Variants in ZKSCAN7 observed in about 807,000 individuals in gnomAD.
The protein encoded by ZKSCAN7 is zinc finger with KRAB and SCAN domains 7.
Under a neutral mutation model 65.3 loss-of-function variants are expected in ZKSCAN7, and 38 were observed. The observed-to-expected ratio is 0.58, with a 90% CI of 0.45 to 0.76. The LOEUF (loss-of-function observed/expected upper bound fraction) is 0.76, where lower values mean the gene tolerates loss of function less well. Among genes scored for constraint, ZKSCAN7 ranks in the 30% least tolerant of loss-of-function variants. The pLI is 0.00. For missense variants in ZKSCAN7, 815 were observed against 913.3 expected (o/e 0.89, Z 1.39); for synonymous variants, 321 against 321.0 (o/e 1.00, Z 0.00).
chr3:44,570,194 G>T lies in ZKSCAN7; in HGVS notation c.1084G>T (p.Glu362Ter). The T allele has an allele frequency of 1.2e-6, 2 of 1,614,214 alleles. No homozygotes were observed. The highest frequency in any genetic ancestry group is 1.7e-6 in the Non-Finnish European group (2 of 1,180,040). The change falls in exon 6 of 6, where the codon GAA becomes TAA. Residue 362 changes from glutamate (E) to a stop codon, truncating the protein, a stop_gained. Transcript: ENST00000426540. LOFTEE classifies it high-confidence loss of function. ...ATATGACAAATATAAGGAAGTTGGG[G>T]AACATCCACCTCTGTCTTCCAGTCC... ...DRYDKYKEVG[E>*]HPPLSSSPVE...
rs948332880 is a variant in ZKSCAN7 at position 44,571,321 on chromosome 3, C to T, written c.2211C>T (p.His737=). Residue 737 remains histidine, a synonymous_variant, in exon 6 of 6, where the codon CAC becomes CAT. Coordinates refer to ENST00000426540, the MANE Select transcript of ZKSCAN7 (RefSeq NM_001288590.2). ...GTCAGCGTTCCACTTTTAATCACCA[C>T]CAGCGAACTCACACTGGAGAGAAGT... is the stretch of plus-strand genomic sequence containing the variant. ...AFSQRSTFNH[H]QRTHTGEKSS... The T allele has an allele frequency of 6.2e-7, 1 of 1,614,238 alleles. No homozygotes were observed. The highest frequency in any genetic ancestry group is 8.5e-7 in the Non-Finnish European group (1 of 1,180,048).
rs1699823672 is a variant in ZKSCAN7, at chr3:44,572,133, TTAAA to T, written c.*766_*769del. 1 of 984,906 alleles carries T rather than the reference TTAAA, an allele frequency of 1.0e-6. No homozygotes were observed. Among genetic ancestry groups the T allele is most frequent in the Non-Finnish European group, 1.2e-6 (1 of 829,466 alleles). 61.0% of individuals were successfully genotyped at this position (984,906 alleles called of 1,614,324 possible). A position where few individuals can be genotyped will look rare whatever the true frequency, so the allele number is the denominator to read the frequency against. ...GATAGTATTTTGTACATACCAGTTG[TTAAA>T]TAAATAATTTTTAAAATCTCAGCTC... On this transcript the variant is annotated 3_prime_UTR_variant, in exon 6 of 6. Transcript: ENST00000426540.
rs561922377 is a variant in ZKSCAN7 at position 44,567,919 on chromosome 3, T to C, written c.600T>C (p.Cys200=). 2.3e-5 allele frequency: 22 copies of C among 949,796 alleles called. No individual in the cohort carries two copies. In the South Asian group the frequency reaches 3.2e-4, roughly 14 times the overall value. 58.8% of individuals were successfully genotyped at this position (949,796 alleles called of 1,614,324 possible). The change falls in exon 4 of 6, where the codon TGT becomes TGC. Residue 200 remains cysteine, a synonymous_variant. Transcript: ENST00000426540. ...HHLPSGDFAQ[C]TSPVPTLPQV... The stretch of plus-strand genomic sequence containing the variant: ...CTTTCTTTCCTCCCTCAGCTCAATG[T>C]ACTTCTCCAGTTCCTACCCTTCCTC...
At chr3:44,579,981 G>A in intron 5 of ZKSCAN7, 1 of 1,585,710 alleles carries the variant, frequency 6.3e-7, no homozygotes, top group Non-Finnish European at 8.7e-7. Flanking sequence ...AGCTTGGGGG[G>A]GGGCTTCATT....
At chr3:44,562,624 AAT>A in intron 2 of ZKSCAN7, among the ~76,000 whole-genome samples, 1 of 152,210 alleles carries the variant, frequency 6.6e-6, no homozygotes, top group East Asian at 1.9e-4. Context: ...TTTGTTCACA[AAT>A]ATGAGTGGAC....
intron 2 of ZKSCAN7, among the ~76,000 whole-genome samples, chr3:44,562,936 C>T (rs1402933135): frequency 6.6e-6 from 1 of 151,740 alleles, no homozygotes; most frequent in African/African-American, 2.4e-5. Context: ...CGCCACTGCA[C>T]TCCAGCCTGG....
chr3:44,569,171 A>T (rs558046952), intron 5 of ZKSCAN7, among the ~76,000 whole-genome samples: 9 of 152,302 alleles, frequency 5.9e-5, no homozygotes, highest in African/African-American at 1.9e-4. Flanking sequence ...CTGAAGCCTA[A>T]CCTACAAATA....
chr3:44,567,748 A>C (rs1014215698), intron 3 of ZKSCAN7, among the ~76,000 whole-genome samples, 164 bp from the exon 4 acceptor site: 5 of 151,720 alleles, frequency 3.3e-5, no homozygotes, highest in Non-Finnish European at 7.4e-5. Flanking sequence ...TGTACCCTCC[A>C]GGGAAAATTC....
intron 5 of ZKSCAN7, chr3:44,580,042 G>C: frequency 1.9e-6 from 3 of 1,577,728 alleles, no homozygotes; most frequent in South Asian, 1.1e-5. Flanking sequence ...CGGCCCTGGC[G>C]TGTGTCACTG....
In ZKSCAN7 at chr3:44,570,852, G is replaced by A. The variant is rs746703747; in HGVS notation, c.1742G>A (p.Cys581Tyr). 1.0e-4 allele frequency: 165 copies of A among 1,614,090 alleles called. No homozygotes were observed. Among genetic ancestry groups the A allele is most frequent in the Non-Finnish European group, 1.4e-4 (161 of 1,180,052 alleles). Residue 581 changes from cysteine (C) to tyrosine (Y), a missense_variant, in exon 6 of 6, where the codon TGT becomes TAT. Cys to Tyr is a radical substitution (Grantham distance 194). Around this residue, in one of 3 missense-constraint regions of ZKSCAN7, gnomAD observed 578 missense variants for 629.5 expected, o/e 0.92. Coordinates refer to ENST00000426540, the MANE Select transcript of ZKSCAN7 (RefSeq NM_001288590.2). ...SLHTGEKPYKCSECGKAFNQN... is the reference protein window; with the variant it reads ...SLHTGEKPYKYSECGKAFNQN... ...CATACTGGGGAAAAGCCATACAAATGTAGTGAATGTGGGAAAGCCTTCAAT... is the reference window on the plus strand; with the variant it reads ...CATACTGGGGAAAAGCCATACAAATATAGTGAATGTGGGAAAGCCTTCAAT...
chr3:44,565,872 G>T (rs576093597), intron 3 of ZKSCAN7, among the ~76,000 whole-genome samples: 91 of 152,346 alleles, frequency 6.0e-4, no homozygotes, highest in African/African-American at 1.8e-3. Flanking sequence ...GAAAGGCACT[G>T]CCAGAGACCA....
intron 2 of ZKSCAN7, among the ~76,000 whole-genome samples, chr3:44,564,622 A>G (rs567973317): frequency 6.6e-6 from 1 of 152,348 alleles, no homozygotes; most frequent in East Asian, 1.9e-4. Context: ...TTCTCTGAAG[A>G]GGAGATACTT....
chr3:44,557,010 C>T lies in ZKSCAN7; in HGVS notation c.-38C>T. 1 of 1,612,522 alleles carries T rather than the reference C, an allele frequency of 6.2e-7. No homozygotes were observed. The highest frequency in any genetic ancestry group is 1.7e-5 in the Admixed American group (1 of 59,438). On this transcript the variant is annotated 5_prime_UTR_variant, in exon 2 of 6. Coordinates refer to ENST00000426540, the MANE Select transcript of ZKSCAN7 (RefSeq NM_001288590.2). ...ACTATTGACCATCATTTTAATCGGA[C>T]CAACTGCAGCTGTAACAAGCTTCTC... is the stretch of plus-strand genomic sequence containing the variant.
downstream of ZKSCAN7, among the ~76,000 whole-genome samples, chr3:44,572,790 C>T (rs1224469628): frequency 7.0e-6 from 1 of 143,246 alleles, no homozygotes; most frequent in African/African-American, 2.6e-5. Context: ...GCAGAGCTTG[C>T]AGTGAGCCAA....
chr3:44,571,524 G>C lies in ZKSCAN7; in HGVS notation c.*149G>C. 1 of 1,555,564 alleles carries C rather than the reference G, an allele frequency of 6.4e-7. No individual in the cohort carries two copies. Among genetic ancestry groups the C allele is most frequent in the East Asian group, 2.3e-5 (1 of 44,346 alleles). On this transcript the variant is annotated 3_prime_UTR_variant, in exon 6 of 6. Coordinates refer to ENST00000426540, the MANE Select transcript of ZKSCAN7 (RefSeq NM_001288590.2). ...GGATCACTAAGGTGGGAGAGTAGGA[G>C]TAACTTATTCCAGTTCTTACCCATT...
At chr3:44,578,215 G>T in intron 5 of ZKSCAN7, 1 of 1,523,910 alleles carries the variant, frequency 6.6e-7, no homozygotes, top group Non-Finnish European at 9.1e-7. Context: ...ATGTCTTTGT[G>T]GTGTCACTTG....
chr3:44,572,500 T>C (rs1699835647), downstream of ZKSCAN7, among the ~76,000 whole-genome samples: 1 of 151,956 alleles, frequency 6.6e-6, no homozygotes, highest in Non-Finnish European at 1.5e-5. Context: ...TTCCCCTACA[T>C]GCTGATTCTA....
At chr3:44,580,440 G>A in intron 5 of ZKSCAN7, 1 of 1,601,558 alleles carries the variant, frequency 6.2e-7, no homozygotes, top group Admixed American at 1.7e-5. Flanking sequence ...TGTGGACTTG[G>A]TGGTGGGGAC....
Position 44,572,076 on chromosome 3 carries a change from T to G in ZKSCAN7, c.*701T>G, listed in dbSNP as rs1699821857. 1 of 984,850 alleles carries G rather than the reference T, an allele frequency of 1.0e-6. No homozygotes were observed. Among genetic ancestry groups the G allele is most frequent in the Non-Finnish European group, 1.2e-6 (1 of 829,388 alleles). 61.0% of individuals were successfully genotyped at this position (984,850 alleles called of 1,614,324 possible). A position where few individuals can be genotyped will look rare whatever the true frequency, so the allele number is the denominator to read the frequency against. ...TTTATACCAACTTATTGTAGGCTCT[T>G]TGAGGTCAGGTATGTATTTCTTTCC... On this transcript the variant is annotated 3_prime_UTR_variant, in exon 6 of 6. Coordinates refer to ENST00000426540, the MANE Select transcript of ZKSCAN7 (RefSeq NM_001288590.2).
Sources: allele counts gnomAD v4.1 joint callset (sites outside exome capture counted in the v4.1 genomes callset), GRCh38; gene constraint gnomAD v4.1.1; regional missense constraint gnomAD v4.1.1; transcripts MANE v1.5; gene names NCBI Gene and HGNC (gene_info 2026-07-23, HGNC 2026-07-21).